The following PCSK2 variants were observed in gnomAD, a reference collection of about 807,000 sequenced individuals.
The protein encoded by PCSK2 is neuroendocrine convertase 2.
A neutral mutation model predicts 69.7 loss-of-function variants in PCSK2; 14 were observed. The observed-to-expected ratio is 0.20, with a 90% CI of 0.13 to 0.31. The LOEUF (loss-of-function observed/expected upper bound fraction) is 0.31, where lower values mean the gene tolerates loss of function less well. Among genes scored for constraint, PCSK2 ranks in the 10% least tolerant of loss-of-function variants. The pLI is 1.00. For synonymous variants in PCSK2, 307 were observed against 320.7 expected (o/e 0.96, Z 0.46); for missense variants, 544 against 842.5 (o/e 0.65, Z 4.39).
intron 2 of PCSK2, among the ~76,000 whole-genome samples, chr20:17,268,444 G>A (rs929879663): frequency 1.3e-5 from 2 of 152,154 alleles, no homozygotes; most frequent in African/African-American, 2.4e-5. Flanking sequence ...GTCTGGGAAA[G>A]TGGCATTTAA....
At chr20:17,374,860 CAG>C (rs1409031244) in intron 5 of PCSK2, among the ~76,000 whole-genome samples, 1 of 152,088 alleles carries the variant, frequency 6.6e-6, no homozygotes, top group African/African-American at 2.4e-5. Flanking sequence ...GCCCTGCAGA[CAG>C]AGTCTTCAGC....
intron 6 of PCSK2, among the ~76,000 whole-genome samples, chr20:17,425,798 T>C (rs2032236579): frequency 2.0e-5 from 3 of 152,174 alleles, no homozygotes; most frequent in Admixed American, 1.3e-4. Flanking sequence ...TGGGCTTTTT[T>C]GCATCAAACT....
At chr20:17,300,629 A>G (rs1336735415) in intron 2 of PCSK2, among the ~76,000 whole-genome samples, 1 of 152,246 alleles carries the variant, frequency 6.6e-6, no homozygotes, top group Non-Finnish European at 1.5e-5. Flanking sequence ...TGGTCAAGGG[A>G]AAGTTGAACT....
intron 5 of PCSK2, among the ~76,000 whole-genome samples, chr20:17,387,040 A>C (rs971635086): frequency 6.6e-6 from 1 of 152,246 alleles, no homozygotes; most frequent in African/African-American, 2.4e-5. Flanking sequence ...GAGATAAAAC[A>C]GAATAATAGG....
chr20:17,278,343 G>A (rs1028655383), intron 2 of PCSK2, among the ~76,000 whole-genome samples: 1 of 152,166 alleles, frequency 6.6e-6, no homozygotes, highest in Non-Finnish European at 1.5e-5. Flanking sequence ...ATGATAGGCT[G>A]GATTAAGAAA....
chr20:17,363,134 A>G (rs1475648548), intron 4 of PCSK2, among the ~76,000 whole-genome samples: 1 of 152,232 alleles, frequency 6.6e-6, no homozygotes, highest in Non-Finnish European at 1.5e-5. Flanking sequence ...TTCTATCAAC[A>G]TTGTCTCTCC....
At chr20:17,355,674 C>CACAG (rs1307678521) in intron 2 of PCSK2, among the ~76,000 whole-genome samples, 18 of 151,470 alleles carry the variant, frequency 1.2e-4, no homozygotes, top group Middle Eastern at 3.4e-3. Context: ...CACACACACA[C>CACAG]AGAGAGAGAG....
At chr20:17,400,631 AG>A (rs1164197841) in intron 5 of PCSK2, among the ~76,000 whole-genome samples, 1 of 152,166 alleles carries the variant, frequency 6.6e-6, no homozygotes, top group African/African-American at 2.4e-5. Context: ...ATTAAAACTA[AG>A]TCTTCCTTCC....
intron 7 of PCSK2, among the ~76,000 whole-genome samples, chr20:17,434,402 C>G (rs1287085421): frequency 6.6e-6 from 1 of 152,140 alleles, no homozygotes; most frequent in Non-Finnish European, 1.5e-5. Flanking sequence ...AAAATTAATA[C>G]TGTATCTCAT....
intron 2 of PCSK2, among the ~76,000 whole-genome samples, chr20:17,286,039 C>T (rs1988500556): frequency 6.6e-6 from 1 of 152,128 alleles, no homozygotes; most frequent in Admixed American, 6.5e-5. Flanking sequence ...ATTTTGAAAG[C>T]CTGCAAAAAA....
chr20:17,317,820 T>C (rs924959563), intron 2 of PCSK2, among the ~76,000 whole-genome samples: 4 of 151,868 alleles, frequency 2.6e-5, no homozygotes, highest in Admixed American at 1.3e-4. Context: ...ACATGAAAGG[T>C]TGGAAAATAA....
chr20:17,265,378 C>G (rs758205704), intron 2 of PCSK2, among the ~76,000 whole-genome samples: 2 of 152,064 alleles, frequency 1.3e-5, no homozygotes, highest in Non-Finnish European at 2.9e-5. Flanking sequence ...TACTTGTTAA[C>G]TCTAAGAGGA....
chr20:17,460,934 T>C (rs1228783114), intron 10 of PCSK2, among the ~76,000 whole-genome samples: 1 of 152,206 alleles, frequency 6.6e-6, no homozygotes, highest in African/African-American at 2.4e-5. Context: ...CTTATGCCCA[T>C]TTTAAAGATG....
intron 2 of PCSK2, among the ~76,000 whole-genome samples, chr20:17,356,505 G>A (rs2030202518): frequency 1.3e-5 from 2 of 152,208 alleles, no homozygotes; most frequent in Admixed American, 6.5e-5. Context: ...CTGCAAGGCA[G>A]TGCAGTAAGG....
intron 2 of PCSK2, among the ~76,000 whole-genome samples, chr20:17,262,130 C>T (rs1407917257): frequency 6.6e-6 from 1 of 152,166 alleles, no homozygotes. Context: ...TAAAATGGGA[C>T]TAATTGGGTA....
intron 1 of PCSK2, among the ~76,000 whole-genome samples, chr20:17,251,845 G>C: frequency 6.6e-6 from 1 of 152,132 alleles, no homozygotes; most frequent in African/African-American, 2.4e-5. Context: ...AACAGCTAGA[G>C]GATGACTGGT....
intron 9 of PCSK2, 86 bp from the exon 10 acceptor site, chr20:17,456,262 G>A: frequency 1.4e-6 from 1 of 722,660 alleles, no homozygotes; most frequent in Non-Finnish European, 2.5e-6. Flanking sequence ...ATAAATAAAA[G>A]GAGTAGATAA....
At chr20:17,346,380 G>T (rs1025276221) in intron 2 of PCSK2, among the ~76,000 whole-genome samples, 1 of 152,046 alleles carries the variant, frequency 6.6e-6, no homozygotes, top group African/African-American at 2.4e-5. Context: ...GAGTGAAGAG[G>T]GACAGAGACT....
intron 2 of PCSK2, among the ~76,000 whole-genome samples, chr20:17,303,737 C>T (rs1203504481): frequency 6.8e-6 from 1 of 146,798 alleles, no homozygotes; most frequent in Non-Finnish European, 1.5e-5. Flanking sequence ...CCACCCCACC[C>T]ATCTAATTTT....
Sources: gnomAD v4.1 joint callset for allele counts (sites outside exome capture counted in the v4.1 genomes callset) on GRCh38, gnomAD v4.1.1 for gene constraint, MANE v1.5 for transcripts, NCBI Gene and HGNC (gene_info 2026-07-23, HGNC 2026-07-21) for gene names.